The following VPS9D1 variants were observed in gnomAD, a reference collection of about 807,000 sequenced individuals.
The protein encoded by VPS9D1 is VPS9 domain containing 1.
A neutral mutation model predicts 75.8 loss-of-function variants in VPS9D1; 78 were observed. That is an observed-to-expected ratio of 1.03 (90% CI 0.86 to 1.24). VPS9D1 has a LOEUF of 1.24. Among genes scored for constraint, VPS9D1 ranks in the 50% most tolerant of loss-of-function variants. VPS9D1 has a pLI of 0.00. For missense variants in VPS9D1, 1,057 were observed against 847.7 expected, an observed-to-expected ratio of 1.25 and a Z score of -3.07; for synonymous variants, 481 against 385.6, an observed-to-expected ratio of 1.25 and a Z score of -2.90.
At position 89,720,645 on chromosome 16, in the gene VPS9D1, C is replaced by T. The variant is rs531546968; in HGVS notation, c.99+118G>A. 50 of 1,229,764 alleles carry T rather than the reference C, an allele frequency of 4.1e-5. No homozygotes were observed. In the African/African-American group the frequency reaches 5.6e-4, roughly 14 times the overall value. The allele number at this position is 1,229,764 out of a possible 1,614,324, so 76.2% of individuals were successfully genotyped here. A position where few individuals can be genotyped will look rare whatever the true frequency, so the allele number is the denominator to read the frequency against. ...GCCCGGGAACCGCGGCCCGGGATCC[C>T]GGCTGGCGCCCGCTCCCAAGTCTCC... On this transcript the variant is annotated intron_variant, in intron 1 of 14. Transcript: ENST00000389386.
intron 2 of VPS9D1, 165 bp from the exon 3 acceptor site, chr16:89,716,987 GC>G: frequency 2.2e-6 from 1 of 456,970 alleles, no homozygotes; most frequent in Non-Finnish European, 3.4e-6. Flanking sequence ...CTGACCCTGG[GC>G]AAGCCCACTG....
chr16:89,708,418 A>T lies in VPS9D1; in HGVS notation c.1802+9T>A. The T allele has an allele frequency of 6.2e-7, 1 of 1,608,898 alleles. No individual in the cohort carries two copies. Among genetic ancestry groups the T allele is most frequent in the Non-Finnish European group, 8.5e-7 (1 of 1,178,172 alleles). On this transcript the variant is annotated intron_variant, in intron 14 of 14. Transcript: ENST00000389386. ...ACAGAGACCCCCACCCTGACCCGCC[A>T]GGGTCTACCCCTCGTGGATGAACTC...
At position 89,710,983 on chromosome 16, in the gene VPS9D1, G is replaced by A. The variant is rs1004443385; in HGVS notation, c.861C>T (p.Leu287=). ...LSLPDHPIAQ[L]LRRLQCSVYS... ...ACACGGAGCACTGCAGCCGCCTCAG[G>A]AGCTGCGCGATCGGGTGGTCGGGGA... The change falls in exon 10 of 15, where the codon CTC becomes CTT. Residue 287 remains leucine (L), a synonymous_variant. Coordinates refer to ENST00000389386, the MANE Select transcript of VPS9D1 (RefSeq NM_004913.3). 2 of 1,441,894 alleles carry A rather than the reference G, an allele frequency of 1.4e-6. No homozygotes were observed. The highest frequency in any genetic ancestry group is 2.8e-5 in the Admixed American group (1 of 36,078). The allele number at this position is 1,441,894 out of a possible 1,614,324, so 89.3% of individuals were successfully genotyped here. A position where few individuals can be genotyped will look rare whatever the true frequency, so the allele number is the denominator to read the frequency against.
At chr16:89,712,573 G>T in intron 5 of VPS9D1, 32 bp downstream of exon 5, 2 of 1,607,756 alleles carry the variant, frequency 1.2e-6, no homozygotes, top group Non-Finnish European at 1.7e-6. Flanking sequence ...CCGCGCCCAC[G>T]CACCCCCAGG....
Position 89,712,731 on chromosome 16 carries a change from AGCT to A in VPS9D1, c.432-18_432-16del, listed in dbSNP as rs111488775. 155,813 of 1,571,056 alleles carry A rather than the reference AGCT, an allele frequency of 0.099. 9,303 individuals are homozygous for A. The highest frequency in any genetic ancestry group is 0.27 in the African/African-American group (19,696 of 73,616). On this transcript the variant is annotated splice_polypyrimidine_tract_variant and intron_variant, in intron 4 of 14. Coordinates refer to ENST00000389386, the MANE Select transcript of VPS9D1 (RefSeq NM_004913.3). ...GCGTCAGCTCTCTGGAAATGTGACAAGCTGCTGTCTAGACCCCAGGAAGCCCAG... is the reference window on the plus strand; with the variant it reads ...GCGTCAGCTCTCTGGAAATGTGACAAGCTGTCTAGACCCCAGGAAGCCCAG...
chr16:89,714,838 G>A (rs112772380), intron 4 of VPS9D1, among the ~76,000 whole-genome samples: 15 of 152,048 alleles, frequency 9.9e-5, no homozygotes, highest in Admixed American at 7.9e-4. Flanking sequence ...GGGTTCAAGC[G>A]ATTCTCCTGC....
chr16:89,708,779 G>A, intron 13 of VPS9D1, 78 bp downstream of exon 13: 1 of 1,397,126 alleles, frequency 7.2e-7, no homozygotes, highest in South Asian at 1.4e-5. Context: ...CTAAGGGGCA[G>A]GAAGATAGTC....
At position 89,711,878 on chromosome 16, in the gene VPS9D1, G is replaced by A; in HGVS notation, c.747+4C>T. 3 of 1,550,224 alleles carry A rather than the reference G, an allele frequency of 1.9e-6. No individual in the cohort carries two copies. The highest frequency in any genetic ancestry group is 2.6e-6 in the Non-Finnish European group (3 of 1,146,520). ...TACAAAGCCTGGGCCCGTGGGGGAC[G>A]CACATGGTCCTGTTCGTACTCCAGG... On this transcript the variant is annotated splice_donor_region_variant and intron_variant, in intron 8 of 14. Coordinates refer to ENST00000389386, the MANE Select transcript of VPS9D1 (RefSeq NM_004913.3).
At chr16:89,711,724 G>A (rs1286486515) in intron 8 of VPS9D1, 158 bp downstream of exon 8, 5 of 847,912 alleles carry the variant, frequency 5.9e-6, no homozygotes, top group African/African-American at 5.6e-5. Context: ...CCCTGGCCCC[G>A]CCCCCTCACC....
At chr16:89,719,617 C>T (rs974606488) in intron 1 of VPS9D1, among the ~76,000 whole-genome samples, 15 of 152,170 alleles carry the variant, frequency 9.9e-5, no homozygotes, top group African/African-American at 3.4e-4. Context: ...CCAGAACCTG[C>T]GAGTTACGTA....
Position 89,708,431 on chromosome 16 carries a change from C to G in VPS9D1, c.1798G>C (p.Glu600Gln), listed in dbSNP as rs770662029. The G allele has an allele frequency of 6.2e-7, 1 of 1,611,220 alleles. No individual in the cohort carries two copies. Among genetic ancestry groups the G allele is most frequent in the East Asian group, 2.2e-5 (1 of 44,822 alleles). The change falls in exon 14 of 15, where the codon GAG (glutamate) becomes CAG (glutamine). Residue 600 changes from glutamate (E) to glutamine (Q), a missense_variant. Coordinates refer to ENST00000389386, the MANE Select transcript of VPS9D1 (RefSeq NM_004913.3). ...ECAALEEFIH[E>Q]GYLIGEEGYC... ...CCCTGACCCGCCAGGGTCTACCCCTCGTGGATGAACTCCTCCAGGGCCGCG... is the reference window on the plus strand; with the variant it reads ...CCCTGACCCGCCAGGGTCTACCCCTGGTGGATGAACTCCTCCAGGGCCGCG...
Position 89,710,681 on chromosome 16 carries a change from C to CCCAGGAACTGCT in VPS9D1, c.1151_1162dup (p.Glu384_Leu387dup). On this transcript the variant is annotated inframe_insertion, in exon 10 of 15. Coordinates refer to ENST00000389386, the MANE Select transcript of VPS9D1 (RefSeq NM_004913.3). ...GCCCCGGCCCTGCCGCTCAGACGTC[C>CCCAGGAACTGCT]CCAGGAACTGCTCCAGGTCCTCGAA... 6.2e-7 allele frequency: 1 copy of CCCAGGAACTGCT among 1,611,612 alleles called. No individual in the cohort carries two copies. The highest frequency in any genetic ancestry group is 1.7e-5 in the Admixed American group (1 of 59,814).
chr16:89,720,364 C>T, intron 1 of VPS9D1: 1 of 962,848 alleles, frequency 1.0e-6, no homozygotes, highest in South Asian at 4.8e-5. Context: ...AGGTATGTGG[C>T]CTTCTCTGCA....
At position 89,707,549 on chromosome 16, in the gene VPS9D1, A is replaced by AC. The variant is rs762182125; in HGVS notation, c.*311dup. ...GCCAGATGTTCATCGCTGAGCCTGC[A>AC]CCCACCGAAGCCCAAAGCTTCCCTT... is the stretch of plus-strand genomic sequence containing the variant. On this transcript the variant is annotated 3_prime_UTR_variant, in exon 15 of 15. Transcript: ENST00000389386. 349 of 315,494 alleles carry AC rather than the reference A, an allele frequency of 1.1e-3. 3 individuals carry two copies. The highest frequency in any genetic ancestry group is 1.2e-3 in the Non-Finnish European group (198 of 167,102). The allele number at this position is 315,494 out of a possible 1,614,324, so 19.5% of individuals were successfully genotyped here. A position where few individuals can be genotyped will look rare whatever the true frequency, so the allele number is the denominator to read the frequency against.
chr16:89,717,620 G>A (rs951042105), intron 2 of VPS9D1: 8 of 455,312 alleles, frequency 1.8e-5, no homozygotes, highest in Admixed American at 2.4e-5. Context: ...ATCCCGCCCC[G>A]ATTTAGCCCC....
At chr16:89,710,233 G>C (rs1023925372) in intron 10 of VPS9D1, among the ~76,000 whole-genome samples, 18 of 152,208 alleles carry the variant, frequency 1.2e-4, no homozygotes, top group South Asian at 2.1e-4. Flanking sequence ...AAGTTCCTTA[G>C]TGTGTGGGCA....
chr16:89,709,662 C>T, intron 11 of VPS9D1, 115 bp downstream of exon 11: 2 of 1,532,232 alleles, frequency 1.3e-6, no homozygotes, highest in South Asian at 1.2e-5. Context: ...GGGGAGCAAA[C>T]ACGAGTCTTG....
chr16:89,713,457 C>T (rs149979653), intron 4 of VPS9D1, among the ~76,000 whole-genome samples: 8,244 of 151,382 alleles, frequency 0.054, 310 homozygotes, highest in Non-Finnish European at 0.079. Flanking sequence ...GGTTTCACCG[C>T]ATTAACCAGG....
chr16:89,718,136 C>A, intron 2 of VPS9D1: 2 of 447,408 alleles, frequency 4.5e-6, no homozygotes, highest in Admixed American at 2.4e-5. Context: ...GCTGGCCTCT[C>A]AAACTTAATG....
Sources: gnomAD v4.1 joint callset for allele counts (sites outside exome capture counted in the v4.1 genomes callset) on GRCh38, gnomAD v4.1.1 for gene constraint, MANE v1.5 for transcripts, NCBI Gene and HGNC (gene_info 2026-07-23, HGNC 2026-07-21) for gene names.